Variants in MDGA2 observed in about 807,000 individuals in gnomAD.
MDGA2 encodes MAM domain-containing glycosylphosphatidylinositol anchor protein 2.
Under a neutral mutation model 117.8 loss-of-function variants are expected in MDGA2, and 40 were observed. That is an observed-to-expected ratio of 0.34 (90% CI 0.26 to 0.44). The LOEUF (loss-of-function observed/expected upper bound fraction) is 0.44. Ranked by LOEUF, MDGA2 falls within the 20% of genes least tolerant of loss-of-function variation. MDGA2 has a pLI of 1.00. For missense variants in MDGA2, 1,123 were observed against 1,250.6 expected, an observed-to-expected ratio of 0.90 and a Z score of 1.54; for synonymous variants, 452 against 439.0, an observed-to-expected ratio of 1.03 and a Z score of -0.37.
chr14:47,064,937 T>C (rs1890027195), intron 6 of MDGA2, among the ~76,000 whole-genome samples: 1 of 152,106 alleles, frequency 6.6e-6, no homozygotes, highest in African/African-American at 2.4e-5. Context: ...ATAGACTTAT[T>C]GAGACTCTAT....
chr14:47,654,600 C>T (rs1287715534), intron 1 of MDGA2, among the ~76,000 whole-genome samples: 1 of 151,934 alleles, frequency 6.6e-6, no homozygotes, highest in African/African-American at 2.4e-5. Context: ...TGCTGGGTCA[C>T]CAGAGAATGG....
rs770548146 is a variant in MDGA2 at position 46,845,800 on chromosome 14, T to C, written c.2955A>G (p.Glu985=). The C allele has an allele frequency of 1.2e-6, 2 of 1,613,312 alleles. No individual in the cohort carries two copies. The highest frequency in any genetic ancestry group is 1.7e-6 in the Non-Finnish European group (2 of 1,179,468). Residue 985 remains glutamate, a synonymous_variant, in exon 16 of 17, where the codon GAA becomes GAG. Coordinates refer to ENST00000399232, the MANE Select transcript of MDGA2 (RefSeq NM_001113498.3). ...DIAIDDVSIA[E]GECAKQDLAT... is the part of the protein sequence containing the mutation. ...CTAGGTCTTGTTTTGCACATTCTCC[T>C]TCTGCAATTGATACATCATCAATAG...
chr14:47,278,329 G>A (rs368836290), intron 2 of MDGA2, among the ~76,000 whole-genome samples: 52 of 151,922 alleles, frequency 3.4e-4, no homozygotes, highest in African/African-American at 1.2e-3. Flanking sequence ...TAGTCATGGG[G>A]TCCACAACGA....
intron 1 of MDGA2, among the ~76,000 whole-genome samples, chr14:47,305,611 C>A (rs1889417527): frequency 6.6e-6 from 1 of 152,080 alleles, no homozygotes; most frequent in African/African-American, 2.4e-5. Context: ...CAACCAGGGG[C>A]ATTTTAATCC....
intron 3 of MDGA2, among the ~76,000 whole-genome samples, chr14:47,154,030 G>C (rs1883268028): frequency 6.6e-6 from 1 of 152,102 alleles, no homozygotes. Context: ...ATCCTTTCAA[G>C]AAACTTGGCT....
intron 3 of MDGA2, among the ~76,000 whole-genome samples, chr14:47,171,824 G>A (rs1173905855): frequency 3.3e-5 from 5 of 152,172 alleles, no homozygotes; most frequent in Admixed American, 6.5e-5. Context: ...CACCATGCGC[G>A]AGCTGAAGCA....
At chr14:47,099,618 T>C (rs1880183160) in intron 5 of MDGA2, among the ~76,000 whole-genome samples, 1 of 151,898 alleles carries the variant, frequency 6.6e-6, no homozygotes, top group South Asian at 2.1e-4. Flanking sequence ...GTGTCATGAT[T>C]GCATTCTCTG....
chr14:47,609,293 C>T (rs1442434058), intron 1 of MDGA2, among the ~76,000 whole-genome samples: 2 of 150,430 alleles, frequency 1.3e-5, no homozygotes, highest in African/African-American at 4.9e-5. Flanking sequence ...TTAGCTGAAA[C>T]ATATCTGTGA....
At chr14:47,324,999 C>T (rs971833679) in intron 1 of MDGA2, among the ~76,000 whole-genome samples, 2 of 151,668 alleles carry the variant, frequency 1.3e-5, no homozygotes, top group African/African-American at 4.8e-5. Context: ...AAGAACGGTG[C>T]TATAATAAAA....
At chr14:47,574,106 G>A (rs1266333583) in intron 1 of MDGA2, among the ~76,000 whole-genome samples, 2 of 152,124 alleles carry the variant, frequency 1.3e-5, no homozygotes, top group Non-Finnish European at 1.5e-5. Context: ...AGAAGAAAAT[G>A]GGTTCTGTGG....
At chr14:47,078,627 C>G (rs1465664751) in intron 6 of MDGA2, among the ~76,000 whole-genome samples, 1 of 152,140 alleles carries the variant, frequency 6.6e-6, no homozygotes, top group Admixed American at 6.5e-5. Flanking sequence ...ACTGAGATAA[C>G]TTCATTCACA....
intron 1 of MDGA2, among the ~76,000 whole-genome samples, chr14:47,616,619 T>C (rs1896952711): frequency 6.6e-6 from 1 of 152,192 alleles, no homozygotes; most frequent in Non-Finnish European, 1.5e-5. Flanking sequence ...TTCCTTAGGC[T>C]ACTTTTAGAA....
intron 1 of MDGA2, among the ~76,000 whole-genome samples, chr14:47,418,749 A>G (rs1892522672): frequency 6.6e-6 from 1 of 152,078 alleles, no homozygotes; most frequent in Non-Finnish European, 1.5e-5. Context: ...TTACTTCCTT[A>G]CTTCATTTTC....
chr14:46,859,025 G>A (rs1360438995), intron 14 of MDGA2, among the ~76,000 whole-genome samples: 2 of 152,228 alleles, frequency 1.3e-5, no homozygotes, highest in East Asian at 3.9e-4. Context: ...TCTGTGAAAA[G>A]CCAAAATTGT....
intron 3 of MDGA2, among the ~76,000 whole-genome samples, chr14:47,160,483 TAGCGA>T (rs1237104884): frequency 4.6e-5 from 7 of 152,084 alleles, no homozygotes; most frequent in Non-Finnish European, 1.0e-4. Flanking sequence ...CTAAGGAACA[TAGCGA>T]AACCCTGCCT....
At chr14:47,431,393 G>A (rs912096498) in intron 1 of MDGA2, among the ~76,000 whole-genome samples, 2 of 151,930 alleles carry the variant, frequency 1.3e-5, no homozygotes, top group Non-Finnish European at 2.9e-5. Context: ...AAGGTCCTGA[G>A]TAAAAATAAA....
chr14:46,927,346 T>C (rs911199606), intron 9 of MDGA2, among the ~76,000 whole-genome samples: 1 of 152,182 alleles, frequency 6.6e-6, no homozygotes, highest in Non-Finnish European at 1.5e-5. Flanking sequence ...GGGTTCTACC[T>C]ATTTCATTGG....
At chr14:46,854,327 T>C (rs60995267) in intron 15 of MDGA2, among the ~76,000 whole-genome samples, 131 of 151,612 alleles carry the variant, frequency 8.6e-4, no homozygotes, top group African/African-American at 3.0e-3. Context: ...TTTTAAAATA[T>C]AAAAATATTT....
intron 8 of MDGA2, among the ~76,000 whole-genome samples, chr14:47,027,929 G>T (rs1463468925): frequency 6.6e-6 from 1 of 151,956 alleles, no homozygotes; most frequent in East Asian, 1.9e-4. Flanking sequence ...ATGTTGACTG[G>T]AAATAATAAT....
Sources: allele counts gnomAD v4.1 joint callset (sites outside exome capture counted in the v4.1 genomes callset), GRCh38; gene constraint gnomAD v4.1.1; transcripts MANE v1.5; gene names NCBI Gene and HGNC (gene_info 2026-07-23, HGNC 2026-07-21).